Variants in CDYL observed in about 807,000 individuals in gnomAD.
CDYL encodes chromodomain Y like, also known as chromodomain Y-like protein.
A neutral mutation model predicts 47.3 loss-of-function variants in CDYL; 8 were observed. That is an observed-to-expected ratio of 0.17 (90% confidence interval 0.10 to 0.31). CDYL has a LOEUF of 0.31. Ranked by LOEUF, CDYL falls within the 10% of genes least tolerant of loss-of-function variation. The pLI is 1.00. For synonymous variants in CDYL, 266 were observed against 265.0 expected, an observed-to-expected ratio of 1.00 and a Z score of -0.04; for missense variants, 471 against 701.4, an observed-to-expected ratio of 0.67 and a Z score of 3.71.
At chr6:4,837,089 G>A (rs2127456929) in intron 1 of CDYL, among the ~76,000 whole-genome samples, 1 of 152,304 alleles carries the variant, frequency 6.6e-6, no homozygotes, top group South Asian at 2.1e-4. Flanking sequence ...AATAAATGAG[G>A]ATCCAGATAA....
intron 1 of CDYL, among the ~76,000 whole-genome samples, chr6:4,857,875 C>G (rs1363345893): frequency 2.0e-5 from 3 of 152,032 alleles, no homozygotes; most frequent in African/African-American, 7.2e-5. Flanking sequence ...AGCTTTTGCC[C>G]ATACTCACTT....
At chr6:4,897,283 A>G (rs549819563) in intron 2 of CDYL, among the ~76,000 whole-genome samples, 1 of 152,380 alleles carries the variant, frequency 6.6e-6, no homozygotes, top group Non-Finnish European at 1.5e-5. Context: ...GTGTTGTGAC[A>G]TAGGGTTGGC....
intron 3 of CDYL, among the ~76,000 whole-genome samples, chr6:4,754,411 AG>A (rs1758044710): frequency 6.6e-6 from 1 of 152,218 alleles, no homozygotes; most frequent in African/African-American, 2.4e-5. Flanking sequence ...CAGACATTGA[AG>A]GGTAAATAGG....
At chr6:4,768,294 A>G (rs946154349) in intron 3 of CDYL, among the ~76,000 whole-genome samples, 1 of 152,336 alleles carries the variant, frequency 6.6e-6, no homozygotes. Context: ...CTTGCTTTCT[A>G]ATATGATTTT....
chr6:4,789,926 G>T (rs570396471), intron 1 of CDYL, among the ~76,000 whole-genome samples: 25 of 152,280 alleles, frequency 1.6e-4, no homozygotes, highest in African/African-American at 5.5e-4. Flanking sequence ...CCTTTCAGAC[G>T]ACAGAAAGCT....
At chr6:4,819,761 G>A (rs1199938850) in intron 1 of CDYL, among the ~76,000 whole-genome samples, 1 of 152,168 alleles carries the variant, frequency 6.6e-6, no homozygotes, top group Admixed American at 6.5e-5. Context: ...GAGACATTTT[G>A]TGATGGTCAT....
intron 6 of CDYL, 52 bp downstream of exon 6, chr6:4,952,461 T>C (rs1758737333): frequency 1.3e-6 from 2 of 1,563,946 alleles, no homozygotes; most frequent in Non-Finnish European, 1.7e-6. Flanking sequence ...TAGAAACTTT[T>C]CCCTCAGAGA....
intron 1 of CDYL, among the ~76,000 whole-genome samples, chr6:4,861,938 A>G (rs1286026216): frequency 6.6e-6 from 1 of 152,224 alleles, no homozygotes; most frequent in Non-Finnish European, 1.5e-5. Flanking sequence ...TCCAGTACAA[A>G]GTGTACATTC....
At chr6:4,754,276 A>G (rs1318057275) in intron 3 of CDYL, among the ~76,000 whole-genome samples, 1 of 152,244 alleles carries the variant, frequency 6.6e-6, no homozygotes, top group Non-Finnish European at 1.5e-5. Context: ...ACACTCAACT[A>G]TGATTTTTCA....
intron 2 of CDYL, among the ~76,000 whole-genome samples, chr6:4,898,074 C>T (rs1762339004): frequency 6.6e-6 from 1 of 151,874 alleles, no homozygotes; most frequent in Non-Finnish European, 1.5e-5. Flanking sequence ...AAAAAAAATC[C>T]AGGCATGGTG....
intron 1 of CDYL, among the ~76,000 whole-genome samples, chr6:4,809,064 A>G (rs927295807): frequency 2.0e-5 from 3 of 151,930 alleles, no homozygotes; most frequent in South Asian, 2.1e-4. Flanking sequence ...CTCCTTTTCT[A>G]CCCACCCTCT....
intron 1 of CDYL, among the ~76,000 whole-genome samples, chr6:4,804,529 C>T (rs1759316149): frequency 6.6e-6 from 1 of 152,202 alleles, no homozygotes; most frequent in Non-Finnish European, 1.5e-5. Flanking sequence ...CTCTGATGCC[C>T]AGGGCCCTGC....
chr6:4,715,766 C>A lies in CDYL; in HGVS notation c.-13C>A, dbSNP rs373603249. ...GTGGTCATCAGAGAACACAGAGCCC[C>A]CGGAAGAATTTTATGACATTTCAGG... On this transcript the variant is annotated 5_prime_UTR_variant, in exon 2 of 9. Transcript: ENST00000328908. 3.8e-5 allele frequency: 61 copies of A among 1,613,856 alleles called. No individual in the cohort carries two copies. In the African/African-American group the frequency reaches 7.9e-4, roughly 21 times the overall value.
intron 2 of CDYL, among the ~76,000 whole-genome samples, chr6:4,907,716 G>T (rs1164566403): frequency 6.6e-6 from 1 of 152,122 alleles, no homozygotes; most frequent in South Asian, 2.1e-4. Flanking sequence ...AAAACTGATC[G>T]CAAAACCGGA....
chr6:4,848,512 G>A (rs1760728232), intron 1 of CDYL, among the ~76,000 whole-genome samples: 1 of 152,240 alleles, frequency 6.6e-6, no homozygotes, highest in South Asian at 2.1e-4. Context: ...CCAGGCACAT[G>A]AGAACAGTGC....
At chr6:4,789,370 G>C (rs1441591579) in intron 1 of CDYL, among the ~76,000 whole-genome samples, 1 of 152,182 alleles carries the variant, frequency 6.6e-6, no homozygotes, top group Non-Finnish European at 1.5e-5. Context: ...TGCCGCGCCT[G>C]GCTGCTCCTG....
intron 3 of CDYL, among the ~76,000 whole-genome samples, chr6:4,758,403 G>A (rs1187298058): frequency 6.8e-6 from 1 of 147,266 alleles, no homozygotes; most frequent in Non-Finnish European, 1.5e-5. Context: ...GCTCACATCT[G>A]TAATCCCAGC....
At chr6:4,780,284 C>A (rs375552788) in intron 1 of CDYL, among the ~76,000 whole-genome samples, 6 of 149,660 alleles carry the variant, frequency 4.0e-5, no homozygotes, top group African/African-American at 1.5e-4. Context: ...GGCTGATGTG[C>A]AGTGGCTTCA....
chr6:4,788,062 G>A (rs890202925), intron 1 of CDYL, among the ~76,000 whole-genome samples: 22 of 151,800 alleles, frequency 1.4e-4, no homozygotes, highest in African/African-American at 4.8e-4. Context: ...GTGAGCCACC[G>A]CACCTGGTCG....
Sources: gnomAD v4.1 joint callset for allele counts (sites outside exome capture counted in the v4.1 genomes callset) on GRCh38, gnomAD v4.1.1 for gene constraint, MANE v1.5 for transcripts, NCBI Gene and HGNC (gene_info 2026-07-23, HGNC 2026-07-21) for gene names.